TENM4: variants seen among roughly 807,000 people sequenced by gnomAD.
The protein encoded by TENM4 is teneurin-4.
Under a neutral mutation model 243.3 loss-of-function variants are expected in TENM4, and 82 were observed. The observed-to-expected ratio is 0.34, with a 90% CI of 0.28 to 0.40. TENM4 has a LOEUF of 0.40. Among genes scored for constraint, TENM4 ranks in the 10% least tolerant of loss-of-function variants. TENM4 has a pLI of 1.00. For synonymous variants in TENM4, 1,412 were observed against 1,456.3 expected, an observed-to-expected ratio of 0.97 and a Z score of 0.69; for missense variants, 3,138 against 3,673.3, an observed-to-expected ratio of 0.85 and a Z score of 3.77.
rs149199117 is a variant in TENM4 at position 79,147,348 on chromosome 11, C to T, written c.-66+1362G>A. On this transcript the variant is annotated intron_variant, in intron 4 of 33. Transcript: ENST00000278550. ...GGGCTCTAATCCTTACCATCTAGGACCGGGGCTATGGCATCAGTGAGAGAT... is the reference window on the plus strand; with the variant it reads ...GGGCTCTAATCCTTACCATCTAGGATCGGGGCTATGGCATCAGTGAGAGAT... 1.1e-3 allele frequency among the ~76,000 whole-genome samples: 168 copies of T among 152,146 alleles called. 1 individual carries two copies. In the East Asian group the frequency reaches 0.024, roughly 21 times the overall value.
intron 1 of TENM4, among the ~76,000 whole-genome samples, chr11:79,311,184 G>A (rs756043015): frequency 6.6e-6 from 1 of 152,194 alleles, no homozygotes; most frequent in Non-Finnish European, 1.5e-5. Context: ...ACAAAATCCT[G>A]CATCCAACAA....
At chr11:79,012,253 C>T (rs1265666075) in intron 6 of TENM4, among the ~76,000 whole-genome samples, 3 of 152,156 alleles carry the variant, frequency 2.0e-5, no homozygotes, top group Non-Finnish European at 4.4e-5. Flanking sequence ...TTGGCTTTTC[C>T]CCGACGGCCT....
At chr11:78,779,660 C>T (rs1856804445) in intron 16 of TENM4, among the ~76,000 whole-genome samples, 1 of 152,176 alleles carries the variant, frequency 6.6e-6, no homozygotes, top group Admixed American at 6.5e-5. Context: ...TCCACACCTC[C>T]TACTAGTGTG....
At position 78,903,540 on chromosome 11, in the gene TENM4, G is replaced by A. The variant is rs1303566536; in HGVS notation, c.494-17C>T. The A allele has an allele frequency of 6.5e-7, 1 of 1,543,256 alleles. No individual in the cohort carries two copies. The highest frequency in any genetic ancestry group is 2.4e-5 in the East Asian group (1 of 40,888). On this transcript the variant is annotated splice_polypyrimidine_tract_variant and intron_variant, in intron 6 of 33. Coordinates refer to ENST00000278550, the MANE Select transcript of TENM4 (RefSeq NM_001098816.3). Reference sequence around the variant, plus strand: ...CCGGATGATCTAGGGCACAAACATGGCGGTCAGCGGCGGTGAGCTTGGTGC... The same window carrying A: ...CCGGATGATCTAGGGCACAAACATGACGGTCAGCGGCGGTGAGCTTGGTGC...
chr11:79,058,872 C>T (rs1184046362), intron 6 of TENM4, among the ~76,000 whole-genome samples: 1 of 152,148 alleles, frequency 6.6e-6, no homozygotes, highest in Non-Finnish European at 1.5e-5. Context: ...GACCTAACTT[C>T]CCATTCTAGA....
At chr11:78,803,466 C>CAAAAA (rs1322813457) in intron 15 of TENM4, among the ~76,000 whole-genome samples, 1 of 151,994 alleles carries the variant, frequency 6.6e-6, no homozygotes, top group African/African-American at 2.4e-5. Flanking sequence ...TTGAAACCCC[C>CAAAAA]AAAAAAAGAT....
chr11:79,292,613 C>T (rs1856375395), intron 2 of TENM4, among the ~76,000 whole-genome samples: 1 of 152,202 alleles, frequency 6.6e-6, no homozygotes, highest in East Asian at 1.9e-4. Flanking sequence ...TCTGAAGGGG[C>T]CATGGGCATC....
At position 78,879,271 on chromosome 11, in the gene TENM4, C is replaced by T. The variant is rs367897067; in HGVS notation, c.1084+10514G>A. Among the ~76,000 whole-genome samples, 68 of 145,212 alleles carry T rather than the reference C, an allele frequency of 4.7e-4. 1 individual carries two copies. In the East Asian group the frequency reaches 7.0e-3, roughly 15 times the overall value. ...GTGAGGAGCGCCTCTGCCTGGCAGCCGCCCTGTCTGGGATGTGAGGAGCGC... is the reference window on the plus strand; with the variant it reads ...GTGAGGAGCGCCTCTGCCTGGCAGCTGCCCTGTCTGGGATGTGAGGAGCGC... On this transcript the variant is annotated intron_variant, in intron 9 of 33. Transcript: ENST00000278550.
rs1478570240 is a variant in TENM4, at chr11:78,771,005, T to C, written c.2526A>G (p.Lys842=). ...CCAGAGCCCTACCTCCATCATTGTC[T>C]TTGCTGTCACCGCAGGCAGTCTCCA... The part of the protein sequence containing the change: ...TSMETACGDS[K]DNDGDGLVDC... The change falls in exon 18 of 34, where the codon AAA becomes AAG. Residue 842 remains lysine (K), a synonymous_variant. Coordinates refer to ENST00000278550, the MANE Select transcript of TENM4 (RefSeq NM_001098816.3). 1.9e-6 allele frequency: 3 copies of C among 1,584,862 alleles called. No individual in the cohort carries two copies. The highest frequency in any genetic ancestry group is 3.3e-4 in the Middle Eastern group (2 of 6,064).
rs73498599 is a variant in TENM4 at position 78,856,713 on chromosome 11, G to C, written c.1256-535C>G. On this transcript the variant is annotated intron_variant, in intron 10 of 33. Coordinates refer to ENST00000278550, the MANE Select transcript of TENM4 (RefSeq NM_001098816.3). ...CAAATTCTGAGGCTGATATGTGGATGGGGGGTTGTGCTTAGGGCAGGGTTA... is the reference window on the plus strand; with the variant it reads ...CAAATTCTGAGGCTGATATGTGGATCGGGGGTTGTGCTTAGGGCAGGGTTA... Among the ~76,000 whole-genome samples, 810 of 152,220 alleles carry C rather than the reference G, an allele frequency of 5.3e-3. 7 individuals carry two copies. The highest frequency in any genetic ancestry group is 0.019 in the African/African-American group (770 of 41,534).
intron 6 of TENM4, among the ~76,000 whole-genome samples, chr11:79,029,710 C>T (rs970740138): frequency 1.3e-5 from 2 of 152,052 alleles, no homozygotes; most frequent in Admixed American, 1.3e-4. Context: ...AAGTGCCTTC[C>T]AAGTTGGAAG....
intron 3 of TENM4, among the ~76,000 whole-genome samples, chr11:79,210,609 C>T (rs1195189335): frequency 6.6e-6 from 1 of 152,174 alleles, no homozygotes; most frequent in East Asian, 1.9e-4. Context: ...TGAATCCCAG[C>T]TCTGGCTTTT....
intron 2 of TENM4, among the ~76,000 whole-genome samples, chr11:79,264,490 G>A (rs1159308585): frequency 1.3e-5 from 2 of 152,162 alleles, no homozygotes; most frequent in East Asian, 1.9e-4. Context: ...ACGGATTCCC[G>A]TCCCCCTGCT....
In TENM4 at chr11:78,701,592, G is replaced by T; in HGVS notation, c.5021C>A (p.Thr1674Lys). 1.9e-6 allele frequency: 3 copies of T among 1,608,050 alleles called. No homozygotes were observed. The highest frequency in any genetic ancestry group is 2.2e-5 in the South Asian group (2 of 90,882). The change falls in exon 28 of 34, where the codon ACA becomes AAA. Residue 1674 changes from threonine to lysine, a missense_variant. Physicochemically the swap from Thr to Lys is moderately conservative, Grantham distance 78 (BLOSUM62 -1). Transcript: ENST00000278550. ...CAGAAGGCCGGAATTGCCATGGTATGTCATCATGGCCAACTCGTGTCCTTG... is the reference window on the plus strand; with the variant it reads ...CAGAAGGCCGGAATTGCCATGGTATTTCATCATGGCCAACTCGTGTCCTTG... ...TTQGHELAMM[T>K]YHGNSGLLAT...
chr11:79,330,307 G>A (rs996973931), intron 1 of TENM4, among the ~76,000 whole-genome samples: 2 of 152,096 alleles, frequency 1.3e-5, no homozygotes, highest in African/African-American at 4.8e-5. Flanking sequence ...GAATTGATGG[G>A]GACTCCTAGG....
chr11:79,076,809 C>T (rs921463587), intron 4 of TENM4, among the ~76,000 whole-genome samples: 1 of 152,080 alleles, frequency 6.6e-6, no homozygotes, highest in African/African-American at 2.4e-5. Context: ...AATTGAACAC[C>T]TCCTCATGTG....
At chr11:79,207,459 T>C (rs568725558) in intron 3 of TENM4, among the ~76,000 whole-genome samples, 1 of 152,312 alleles carries the variant, frequency 6.6e-6, no homozygotes, top group Non-Finnish European at 1.5e-5. Flanking sequence ...AGAAGCACAG[T>C]GTGGCTAGGT....
At chr11:78,903,621 A>G (rs1855992647) in intron 6 of TENM4, 98 bp from the exon 7 acceptor site, 1 of 1,512,178 alleles carries the variant, frequency 6.6e-7, no homozygotes, top group East Asian at 2.5e-5. Flanking sequence ...CAGAAGAGGG[A>G]GCCGGCAGAT....
At chr11:79,103,594 A>G (rs1438419845) in intron 4 of TENM4, among the ~76,000 whole-genome samples, 3 of 152,244 alleles carry the variant, frequency 2.0e-5, no homozygotes, top group Non-Finnish European at 4.4e-5. Context: ...AAGATGCACC[A>G]TCGATTCAGT....
Sources: gnomAD v4.1 joint callset for allele counts (sites outside exome capture counted in the v4.1 genomes callset) on GRCh38, gnomAD v4.1.1 for gene constraint, MANE v1.5 for transcripts, NCBI Gene and HGNC (gene_info 2026-07-23, HGNC 2026-07-21) for gene names.